NAALADL2: variants seen among roughly 807,000 people sequenced by gnomAD.
The protein encoded by NAALADL2 is N-acetylated alpha-linked acidic dipeptidase like 2, also known as inactive N-acetylated-alpha-linked acidic dipeptidase-like protein 2.
In NAALADL2, 76 loss-of-function variants were observed where a neutral mutation model predicts 87.2. The ratio of observed to expected loss-of-function variants is 0.87; its 90% CI spans 0.72 to 1.05. NAALADL2 has a LOEUF of 1.05. Ranked by LOEUF, NAALADL2 falls within the 50% of genes least tolerant of loss-of-function variation. The pLI is 0.00. For synonymous variants in NAALADL2, 354 were observed against 331.0 expected (o/e 1.07, Z -0.75); for missense variants, 1,089 against 945.8 (o/e 1.15, Z -1.99).
At chr3:174,746,753 A>G (rs1734298526) in intron 3 of NAALADL2, among the ~76,000 whole-genome samples, 1 of 152,178 alleles carries the variant, frequency 6.6e-6, no homozygotes, top group African/African-American at 2.4e-5. Context: ...GGAACAAAAT[A>G]GAGATCTCAG....
intron 1 of NAALADL2, among the ~76,000 whole-genome samples, chr3:174,986,651 A>T (rs1745918851): frequency 1.3e-5 from 2 of 152,116 alleles, no homozygotes; most frequent in Admixed American, 1.3e-4. Context: ...GGCTCTCTAA[A>T]GTTTTCTGAG....
intron 2 of NAALADL2, among the ~76,000 whole-genome samples, chr3:174,574,168 T>C (rs1365088198): frequency 2.6e-5 from 4 of 152,194 alleles, no homozygotes; most frequent in Non-Finnish European, 5.9e-5. Context: ...TCAATTGATA[T>C]AGTTTTCTGA....
intron 5 of NAALADL2, among the ~76,000 whole-genome samples, chr3:175,392,081 C>G (rs905760436): frequency 6.6e-6 from 1 of 152,122 alleles, no homozygotes; most frequent in Non-Finnish European, 1.5e-5. Context: ...TAAGAAACAG[C>G]GTCCTATATT....
intron 1 of NAALADL2, among the ~76,000 whole-genome samples, chr3:175,001,360 G>A (rs1193815199): frequency 6.6e-6 from 1 of 152,094 alleles, no homozygotes; most frequent in Non-Finnish European, 1.5e-5. Flanking sequence ...GCTCACTCCA[G>A]ATCTCATGAA....
intron 11 of NAALADL2, among the ~76,000 whole-genome samples, chr3:175,729,838 G>T (rs1337202228): frequency 1.3e-5 from 2 of 149,388 alleles, no homozygotes; most frequent in African/African-American, 5.0e-5. Context: ...ATGTAAAACA[G>T]GTGTTATGCT....
chr3:175,254,519 A>G (rs927278800), intron 3 of NAALADL2, among the ~76,000 whole-genome samples: 3 of 152,196 alleles, frequency 2.0e-5, no homozygotes, highest in Non-Finnish European at 4.4e-5. Context: ...GCCTGTATAC[A>G]CAATCTGATC....
At chr3:174,543,911 G>C (rs1214335265) in intron 1 of NAALADL2, among the ~76,000 whole-genome samples, 4 of 151,702 alleles carry the variant, frequency 2.6e-5, no homozygotes, top group Non-Finnish European at 4.4e-5. Flanking sequence ...GGTTGGCTGA[G>C]ACATGAGAAT....
chr3:175,427,146 A>T (rs1361632186), intron 5 of NAALADL2, among the ~76,000 whole-genome samples: 1 of 152,214 alleles, frequency 6.6e-6, no homozygotes, highest in Non-Finnish European at 1.5e-5. Context: ...GCTGTTCTTT[A>T]GTTACTTTTT....
chr3:175,143,690 A>G (rs936962036), intron 2 of NAALADL2, among the ~76,000 whole-genome samples: 1 of 151,964 alleles, frequency 6.6e-6, no homozygotes, highest in Non-Finnish European at 1.5e-5. Flanking sequence ...TGAATCCTAA[A>G]ATCACTGTAA....
rs192927439 is a variant in NAALADL2, at chr3:174,727,785, G to A, written c.-114-9856G>A. ...ACACTTTGTGTTGTATATTTGATGA[G>A]TTTTGAAAAGGTATAGTGGCACATA... On this transcript the variant is annotated intron_variant, in intron 2 of 3. Coordinates refer to the NAALADL2 transcript ENST00000434257. 1.2e-3 allele frequency among the ~76,000 whole-genome samples: 176 copies of A among 152,196 alleles called. 1 individual carries two copies. The highest frequency in any genetic ancestry group is 4.1e-3 in the African/African-American group (170 of 41,528).
chr3:175,714,345 C>T (rs890322398), intron 11 of NAALADL2, among the ~76,000 whole-genome samples: 1 of 152,156 alleles, frequency 6.6e-6, no homozygotes, highest in East Asian at 1.9e-4. Context: ...ATGCTCCCAC[C>T]AACAGTGTAA....
chr3:174,924,150 G>A (rs954911466), intron 1 of NAALADL2, among the ~76,000 whole-genome samples: 1 of 151,776 alleles, frequency 6.6e-6, no homozygotes, highest in Non-Finnish European at 1.5e-5. Context: ...CCATGTTGGT[G>A]TGCTGCACCC....
intron 11 of NAALADL2, among the ~76,000 whole-genome samples, chr3:175,647,817 A>G (rs1231183332): frequency 6.6e-6 from 1 of 152,190 alleles, no homozygotes; most frequent in Admixed American, 6.5e-5. Flanking sequence ...GACAGTTACT[A>G]TGGCATTATG....
chr3:174,759,482 AG>A (rs1712606239), intron 3 of NAALADL2, among the ~76,000 whole-genome samples: 1 of 152,200 alleles, frequency 6.6e-6, no homozygotes, highest in Non-Finnish European at 1.5e-5. Flanking sequence ...TCCTGCTTAA[AG>A]CATTTTTGTT....
chr3:175,458,144 G>C (rs1253525593), intron 6 of NAALADL2, among the ~76,000 whole-genome samples: 1 of 152,004 alleles, frequency 6.6e-6, no homozygotes, highest in Non-Finnish European at 1.5e-5. Context: ...TGTGCCAGCT[G>C]TTATCAGCCA....
At chr3:174,849,150 A>G (rs1307241842) in intron 3 of NAALADL2, among the ~76,000 whole-genome samples, 1 of 152,192 alleles carries the variant, frequency 6.6e-6, no homozygotes, top group Non-Finnish European at 1.5e-5. Context: ...GAATGCAAAG[A>G]ACTAGGACAT....
intron 2 of NAALADL2, among the ~76,000 whole-genome samples, chr3:174,724,683 A>G (rs982298768): frequency 6.8e-5 from 10 of 147,988 alleles, no homozygotes; most frequent in Non-Finnish European, 1.2e-4. Flanking sequence ...CTTATTGATT[A>G]TATTTTATTT....
At chr3:174,551,037 A>C (rs1254350099) in intron 2 of NAALADL2, 2 of 152,068 alleles carry the variant, frequency 1.3e-5, no homozygotes, top group East Asian at 3.9e-4. Flanking sequence ...GTACATGTGC[A>C]CAATGTGCAG....
chr3:174,871,724 C>T (rs981343904), intron 1 of NAALADL2, among the ~76,000 whole-genome samples: 1 of 152,094 alleles, frequency 6.6e-6, no homozygotes, highest in Non-Finnish European at 1.5e-5. Flanking sequence ...CATGGCAAAA[C>T]CCTGTGTCTA....
Sources: gnomAD v4.1 joint callset for allele counts (sites outside exome capture counted in the v4.1 genomes callset) on GRCh38, gnomAD v4.1.1 for gene constraint, MANE v1.5 for transcripts, NCBI Gene and HGNC (gene_info 2026-07-23, HGNC 2026-07-21) for gene names.